Variants in FAT3 observed in about 807,000 individuals in gnomAD.
FAT3 encodes the protein FAT atypical cadherin 3.
A neutral mutation model predicts 310.2 loss-of-function variants in FAT3; 95 were observed. The observed-to-expected ratio is 0.31, with a 90% CI of 0.26 to 0.36. The LOEUF is 0.36. Ranked by LOEUF, FAT3 falls within the 10% of genes least tolerant of loss-of-function variation. FAT3 has a pLI of 1.00. For synonymous variants in FAT3, 2,314 were observed against 2,192.9 expected, an observed-to-expected ratio of 1.06 and a Z score of -1.54; for missense variants, 5,408 against 5,715.6, an observed-to-expected ratio of 0.95 and a Z score of 1.74.
intron 2 of FAT3, among the ~76,000 whole-genome samples, chr11:92,511,257 G>A (rs968494504): frequency 6.6e-6 from 1 of 152,130 alleles, no homozygotes; most frequent in Non-Finnish European, 1.5e-5. Flanking sequence ...GAAATTCAGA[G>A]CTTGAATTAT....
chr11:92,381,771 T>G (rs556816795), intron 2 of FAT3, among the ~76,000 whole-genome samples: 2 of 152,278 alleles, frequency 1.3e-5, no homozygotes, highest in Non-Finnish European at 1.5e-5. Flanking sequence ...AATGAAAAAA[T>G]TATTAATTAC....
chr11:92,867,089 A>C lies in FAT3; in HGVS notation c.12007A>C (p.Ser4003Arg). 2 of 1,597,228 alleles carry C rather than the reference A, an allele frequency of 1.3e-6. No homozygotes were observed. The highest frequency in any genetic ancestry group is 4.5e-5 in the East Asian group (2 of 44,144). ...TGAGCTGCCGCTGCAGAACAAGCGCAGCAGCTTCGCGGAGGTGGTGGGCCT... is the reference window on the plus strand; with the variant it reads ...TGAGCTGCCGCTGCAGAACAAGCGCCGCAGCTTCGCGGAGGTGGTGGGCCT... ...NNELPLQNKRSSFAEVVGLTE... is the reference protein window; with the variant it reads ...NNELPLQNKRRSFAEVVGLTE... Residue 4003 changes from serine to arginine, a missense_variant, in exon 22 of 28, where the codon AGC (serine) becomes CGC (arginine). Coordinates refer to ENST00000525166, the MANE Select transcript of FAT3 (RefSeq NM_001367949.2).
At chr11:92,298,974 G>A (rs541321559) in intron 1 of FAT3, among the ~76,000 whole-genome samples, 1 of 152,160 alleles carries the variant, frequency 6.6e-6, no homozygotes, top group African/African-American at 2.4e-5. Context: ...TGTGTGCAAA[G>A]ATCTCTTTTT....
intron 2 of FAT3, among the ~76,000 whole-genome samples, chr11:92,401,409 T>G (rs1370212210): frequency 6.6e-6 from 1 of 152,138 alleles, no homozygotes; most frequent in African/African-American, 2.4e-5. Context: ...GAGGAAAGAC[T>G]TCCCCACAGG....
intron 3 of FAT3, among the ~76,000 whole-genome samples, chr11:92,633,463 C>A (rs1391261831): frequency 6.6e-6 from 1 of 152,082 alleles, no homozygotes; most frequent in Non-Finnish European, 1.5e-5. Flanking sequence ...GTGAACTTTA[C>A]AAATGTCAAT....
chr11:92,754,942 A>T (rs1945948208), intron 4 of FAT3, among the ~76,000 whole-genome samples: 1 of 152,140 alleles, frequency 6.6e-6, no homozygotes, highest in Admixed American at 6.5e-5. Context: ...CTTGAAGAAC[A>T]TTATGTTAAC....
Position 92,352,910 on chromosome 11 carries a change from C to G in FAT3, c.798C>G (p.Ile266Met), listed in dbSNP as rs1334722370. ...IERINEHAPT[I>M]HVVTHVPFSL... The stretch of plus-strand genomic sequence containing the variant: ...GCATAAATGAACATGCCCCAACAAT[C>G]CATGTAGTCACTCATGTTCCTTTCT... Residue 266 changes from isoleucine to methionine, a missense_variant, in exon 2 of 28, where the codon ATC (isoleucine) becomes ATG (methionine). By Grantham distance (10) the Ile-to-Met change is conservative. This residue lies in a region of FAT3 where 4,588 missense variants were observed against 4,809.8 expected (regional missense o/e 0.95). Transcript: ENST00000525166. 7 of 1,613,686 alleles carry G rather than the reference C, an allele frequency of 4.3e-6. No individual in the cohort carries two copies. The highest frequency in any genetic ancestry group is 1.3e-5 in the African/African-American group (1 of 74,866).
At chr11:92,457,971 C>A (rs1326979377) in intron 2 of FAT3, among the ~76,000 whole-genome samples, 1 of 152,046 alleles carries the variant, frequency 6.6e-6, no homozygotes, top group Non-Finnish European at 1.5e-5. Context: ...TATCTTGGAC[C>A]ACTGTGTCAG....
chr11:92,291,261 A>G lies in FAT3; in HGVS notation c.-17-60835A>G, dbSNP rs530315133. Among the ~76,000 whole-genome samples the G allele has an allele frequency of 2.6e-5, 4 of 152,216 alleles. No homozygotes were observed. In the East Asian group the frequency reaches 5.8e-4, roughly 22 times the overall value. Reference sequence around the variant, plus strand: ...TGACCTGAGGTATCTCAAGCACTCTATCCTGTTGGAGGGGTTGATGCTTTA... The same window carrying G: ...TGACCTGAGGTATCTCAAGCACTCTGTCCTGTTGGAGGGGTTGATGCTTTA... On this transcript the variant is annotated intron_variant, in intron 1 of 27. Transcript: ENST00000525166.
intron 3 of FAT3, among the ~76,000 whole-genome samples, chr11:92,615,700 G>T (rs1313586771): frequency 6.6e-6 from 1 of 152,178 alleles, no homozygotes; most frequent in Non-Finnish European, 1.5e-5. Flanking sequence ...TGGTTTCAAA[G>T]AACATCTTTA....
chr11:92,396,513 G>A (rs1949872703), intron 2 of FAT3, among the ~76,000 whole-genome samples: 3 of 152,112 alleles, frequency 2.0e-5, no homozygotes, highest in Non-Finnish European at 4.4e-5. Context: ...TAGGAATTGG[G>A]TATTGAGGTA....
intron 3 of FAT3, among the ~76,000 whole-genome samples, chr11:92,603,800 G>C (rs914142830): frequency 6.6e-6 from 1 of 152,164 alleles, no homozygotes; most frequent in Non-Finnish European, 1.5e-5. Context: ...AAACCAAAAA[G>C]AACAACAACT....
chr11:92,543,083 C>G (rs1455395114), intron 3 of FAT3, among the ~76,000 whole-genome samples: 3 of 152,032 alleles, frequency 2.0e-5, no homozygotes, highest in Non-Finnish European at 4.4e-5. Flanking sequence ...AACAGAAAGA[C>G]AAATACCGCA....
At chr11:92,569,465 G>T (rs1955594843) in intron 3 of FAT3, among the ~76,000 whole-genome samples, 1 of 152,142 alleles carries the variant, frequency 6.6e-6, no homozygotes, top group Non-Finnish European at 1.5e-5. Flanking sequence ...TGATGAGGGG[G>T]ACAGAGGGAA....
At chr11:92,753,865 T>C (rs1282943580) in intron 4 of FAT3, among the ~76,000 whole-genome samples, 3 of 150,512 alleles carry the variant, frequency 2.0e-5, no homozygotes, top group East Asian at 2.0e-4. Flanking sequence ...CTGGATGAGA[T>C]TGAAGACTAT....
At chr11:92,365,156 G>T (rs145567830) in intron 2 of FAT3, among the ~76,000 whole-genome samples, 1 of 152,140 alleles carries the variant, frequency 6.6e-6, no homozygotes, top group African/African-American at 2.4e-5. Context: ...TGTGGTCCCA[G>T]CTACATGGGA....
At chr11:92,483,070 T>G (rs902062500) in intron 2 of FAT3, among the ~76,000 whole-genome samples, 2 of 152,200 alleles carry the variant, frequency 1.3e-5, no homozygotes, top group African/African-American at 4.8e-5. Context: ...TGGGAGCAGC[T>G]AAATAAATAA....
At chr11:92,711,756 G>C (rs1275529624) in intron 4 of FAT3, among the ~76,000 whole-genome samples, 1 of 152,086 alleles carries the variant, frequency 6.6e-6, no homozygotes, top group Non-Finnish European at 1.5e-5. Flanking sequence ...ATTATATCAA[G>C]AACCTAAACA....
At chr11:92,775,235 C>A (rs2136119175) in intron 7 of FAT3, among the ~76,000 whole-genome samples, 1 of 152,230 alleles carries the variant, frequency 6.6e-6, no homozygotes, top group South Asian at 2.1e-4. Context: ...AGTCTTGATT[C>A]ATCTTAAATA....
Sources: allele counts gnomAD v4.1 joint callset (sites outside exome capture counted in the v4.1 genomes callset), GRCh38; gene constraint gnomAD v4.1.1; regional missense constraint gnomAD v4.1.1; transcripts MANE v1.5; gene names NCBI Gene and HGNC (gene_info 2026-07-23, HGNC 2026-07-21).